Variants in CADM2 observed in about 807,000 individuals in gnomAD.
CADM2 encodes the protein immunoglobulin superfamily member 4D.
A neutral mutation model predicts 49.8 loss-of-function variants in CADM2; 12 were observed. The ratio of observed to expected loss-of-function variants is 0.24; its 90% CI spans 0.15 to 0.39. The LOEUF is 0.39. CADM2 is among the 10% of genes least tolerant of loss of function. CADM2 has a pLI of 1.00. For synonymous variants in CADM2, 214 were observed against 175.4 expected (o/e 1.22, Z -1.74); for missense variants, 378 against 492.3 (o/e 0.77, Z 2.20).
At chr3:85,281,814 C>T (rs1292723587) in intron 1 of CADM2, among the ~76,000 whole-genome samples, 1 of 151,998 alleles carries the variant, frequency 6.6e-6, no homozygotes, top group Non-Finnish European at 1.5e-5. Flanking sequence ...TGCAAAAAGT[C>T]ATGAATAATC....
At chr3:85,259,828 T>C (rs1211757541) in intron 1 of CADM2, among the ~76,000 whole-genome samples, 1 of 152,148 alleles carries the variant, frequency 6.6e-6, no homozygotes, top group Admixed American at 6.6e-5. Context: ...AATCTGATTA[T>C]GGGTCTAACA....
rs561054267 is a variant in CADM2, at chr3:85,477,391, GA to G, written c.62-249122del. 1.6e-4 allele frequency among the ~76,000 whole-genome samples: 16 copies of G among 102,384 alleles called. No individual in the cohort carries two copies. In the South Asian group the frequency reaches 1.7e-3, roughly 11 times the overall value. 67.2% of individuals were successfully genotyped at this position (102,384 alleles called of 152,430 possible). On this transcript the variant is annotated intron_variant, in intron 1 of 9. Transcript: ENST00000383699. The stretch of plus-strand genomic sequence containing the variant: ...AGAGATTTAAGAAGAAGATTAATAT[GA>G]AAAAAAAATGTTAAAATTCTTCGAA...
chr3:85,805,976 G>T lies in CADM2; in HGVS notation c.238+3780G>T, dbSNP rs566574984. 8.1e-4 allele frequency among the ~76,000 whole-genome samples: 123 copies of T among 152,038 alleles called. 1 individual carries two copies. Among genetic ancestry groups the T allele is most frequent in the Non-Finnish European group, 1.4e-3 (97 of 68,020 alleles). ...TAGCTACACAGTAAAATCACTTAGG[G>T]GATTTTCAAACACAGTCTTCCAGCG... On this transcript the variant is annotated intron_variant, in intron 3 of 9. Coordinates refer to ENST00000383699, the MANE Select transcript of CADM2 (RefSeq NM_001167675.2).
intron 8 of CADM2, among the ~76,000 whole-genome samples, chr3:86,004,263 C>T (rs1401918553): frequency 6.6e-6 from 1 of 152,130 alleles, no homozygotes; most frequent in African/African-American, 2.4e-5. Context: ...CTTTGAGGTA[C>T]TTGTGTTTAG....
chr3:86,042,943 C>G (rs1374667174), intron 8 of CADM2, among the ~76,000 whole-genome samples: 4 of 152,112 alleles, frequency 2.6e-5, no homozygotes, highest in Admixed American at 2.0e-4. Flanking sequence ...ATCAATAAAT[C>G]TAATCCAGCA....
At chr3:85,267,803 T>C (rs1360273462) in intron 1 of CADM2, among the ~76,000 whole-genome samples, 1 of 151,590 alleles carries the variant, frequency 6.6e-6, no homozygotes, top group Admixed American at 6.6e-5. Flanking sequence ...ATATCTAGAA[T>C]CAAAGGTTTA....
At position 85,983,794 on chromosome 3, in the gene CADM2, C is replaced by CCTATCTATCTAT. The variant is rs58036401; in HGVS notation, c.970+22162_970+22173dup. Among the ~76,000 whole-genome samples, 32 of 150,140 alleles carry CCTATCTATCTAT rather than the reference C, an allele frequency of 2.1e-4. 1 individual carries two copies. The highest frequency in any genetic ancestry group is 7.8e-4 in the African/African-American group (32 of 41,074). ...CCATTTATATCTATCTGTCTATCTA[C>CCTATCTATCTAT]CTATCTATCTATCTATCTATCTATC... On this transcript the variant is annotated intron_variant, in intron 8 of 9. Transcript: ENST00000383699.
chr3:85,344,641 AT>A lies in CADM2; in HGVS notation c.62-381871del, dbSNP rs962264111. ...CAATTCATAGCCAAACATCTTCTCT[AT>A]TTTTTTTTTGGTAAAATGTCATTTA... is the stretch of plus-strand genomic sequence containing the variant. On this transcript the variant is annotated intron_variant, in intron 1 of 9. Coordinates refer to ENST00000383699, the MANE Select transcript of CADM2 (RefSeq NM_001167675.2). Among the ~76,000 whole-genome samples, 259 of 148,270 alleles carry A rather than the reference AT, an allele frequency of 1.7e-3. 2 individuals carry two copies. Among genetic ancestry groups the A allele is most frequent in the African/African-American group, 5.0e-3 (202 of 40,574 alleles).
chr3:86,038,255 A>G (rs1401795117), intron 8 of CADM2, among the ~76,000 whole-genome samples: 1 of 152,244 alleles, frequency 6.6e-6, no homozygotes, highest in Non-Finnish European at 1.5e-5. Flanking sequence ...GTTAGCTATC[A>G]GAAATTTTTA....
In CADM2 at chr3:85,529,387, T is replaced by C. The variant is rs1007969047; in HGVS notation, c.62-197135T>C. Among the ~76,000 whole-genome samples, 27 of 152,198 alleles carry C rather than the reference T, an allele frequency of 1.8e-4. 1 individual carries two copies. The highest frequency in any genetic ancestry group is 6.3e-4 in the African/African-American group (26 of 41,444). On this transcript the variant is annotated intron_variant, in intron 1 of 9. Coordinates refer to ENST00000383699, the MANE Select transcript of CADM2 (RefSeq NM_001167675.2). ...AAGGTGACATTTGGATACATGCATT[T>C]TGAGCCAGAGCAGAGACAGCTGCCA...
chr3:85,944,478 A>T (rs1482406773), intron 7 of CADM2, among the ~76,000 whole-genome samples: 1 of 152,160 alleles, frequency 6.6e-6, no homozygotes, highest in African/African-American at 2.4e-5. Flanking sequence ...TATTCTTTTC[A>T]GCACCACAGC....
intron 8 of CADM2, among the ~76,000 whole-genome samples, chr3:86,028,738 A>G (rs1483951480): frequency 6.6e-6 from 1 of 152,162 alleles, no homozygotes; most frequent in Non-Finnish European, 1.5e-5. Flanking sequence ...CTGGATTACA[A>G]TCTTCACTTT....
At chr3:85,182,101 G>GT (rs1436142060) in intron 1 of CADM2, among the ~76,000 whole-genome samples, 3 of 151,632 alleles carry the variant, frequency 2.0e-5, no homozygotes, top group Admixed American at 2.0e-4. Flanking sequence ...TGCAAAATTA[G>GT]TGGCAAATCT....
rs1337965311 is a variant in CADM2, at chr3:86,072,248, T to A, written c.*5465T>A. 1 of 151,818 alleles carries A rather than the reference T, an allele frequency of 6.6e-6. No homozygotes were observed. The highest frequency in any genetic ancestry group is 6.6e-5 in the Admixed American group (1 of 15,188). The allele number at this position is 151,818 out of a possible 1,614,324, so 9.4% of individuals were successfully genotyped here. A position where few individuals can be genotyped will look rare whatever the true frequency, so the allele number is the denominator to read the frequency against. On this transcript the variant is annotated 3_prime_UTR_variant, in exon 10 of 10. Transcript: ENST00000383699. ...GTTTCTATGTTATGTGGTTATGTTA[T>A]CAATAATATTTGGTTGATCTTCACA...
At chr3:85,109,764 G>A (rs1002249449) in intron 1 of CADM2, among the ~76,000 whole-genome samples, 4 of 152,028 alleles carry the variant, frequency 2.6e-5, no homozygotes, top group African/African-American at 7.2e-5. Context: ...GTACAGTAGA[G>A]TAGTGACTTT....
chr3:85,065,799 C>A (rs1191201978), intron 1 of CADM2, among the ~76,000 whole-genome samples: 1 of 152,120 alleles, frequency 6.6e-6, no homozygotes, highest in Non-Finnish European at 1.5e-5. Context: ...AGTGTGTATA[C>A]CACAGACTCA....
At chr3:85,093,729 A>G (rs932746489) in intron 1 of CADM2, among the ~76,000 whole-genome samples, 16 of 152,132 alleles carry the variant, frequency 1.1e-4, no homozygotes, top group Admixed American at 7.9e-4. Context: ...CATATCAAAT[A>G]TCTACATTAA....
intron 8 of CADM2, among the ~76,000 whole-genome samples, chr3:85,967,585 T>C (rs1725626539): frequency 6.6e-6 from 1 of 151,682 alleles, no homozygotes; most frequent in Non-Finnish European, 1.5e-5. Flanking sequence ...ATATCTCTCA[T>C]GTATTCATGT....
At chr3:85,343,578 C>G (rs947323442) in intron 1 of CADM2, among the ~76,000 whole-genome samples, 1 of 152,136 alleles carries the variant, frequency 6.6e-6, no homozygotes, top group African/African-American at 2.4e-5. Flanking sequence ...ATCATCCAAC[C>G]AAACAGCATT....
Sources: gnomAD v4.1 joint callset for allele counts (sites outside exome capture counted in the v4.1 genomes callset) on GRCh38, gnomAD v4.1.1 for gene constraint, MANE v1.5 for transcripts, NCBI Gene and HGNC (gene_info 2026-07-23, HGNC 2026-07-21) for gene names.